Variants in MEGF10 observed in about 807,000 individuals in gnomAD.
The protein encoded by MEGF10 is multiple EGF like domains 10.
Under a neutral mutation model 147.5 loss-of-function variants are expected in MEGF10, and 86 were observed. The observed-to-expected ratio is 0.58, with a 90% CI of 0.49 to 0.70. MEGF10 has a LOEUF of 0.70. Ranked by LOEUF, MEGF10 falls within the 30% of genes least tolerant of loss-of-function variation. The pLI is 0.00. For missense variants in MEGF10, 1,329 were observed against 1,487.3 expected, an observed-to-expected ratio of 0.89 and a Z score of 1.75; for synonymous variants, 478 against 525.5, an observed-to-expected ratio of 0.91 and a Z score of 1.24.
At chr5:127,250,131 C>G in the MEGF10 span, among the ~76,000 whole-genome samples, 1 of 151,900 alleles carries the variant, frequency 6.6e-6, no homozygotes. Flanking sequence ...AAATAGTAAC[C>G]ATGAATAAAA....
chr5:127,263,308 G>C, the MEGF10 span, among the ~76,000 whole-genome samples: 1 of 95,846 alleles, frequency 1.0e-5, no homozygotes, highest in East Asian at 4.2e-4. Flanking sequence ...AGGGATTCTC[G>C]GGGGGGGGGT....
rs973192794 is a variant in MEGF10 at position 127,366,577 on chromosome 5, A to G, written c.320-3333A>G. ...AAGCAGATTCCCCCTTCCAATTCCT[A>G]ATTAACTTACAGGCAAATTTGTTTT... On this transcript the variant is annotated intron_variant, in intron 4 of 24. Coordinates refer to ENST00000503335, the MANE Select transcript of MEGF10 (RefSeq NM_001256545.2). 4.6e-5 allele frequency among the ~76,000 whole-genome samples: 7 copies of G among 152,240 alleles called. No homozygotes were observed. The South Asian group carries it at 1.4e-3, about 31-fold the overall frequency.
chr5:127,435,091 A>G (rs1267635988), intron 15 of MEGF10, among the ~76,000 whole-genome samples: 21 of 152,200 alleles, frequency 1.4e-4, no homozygotes, highest in Non-Finnish European at 4.4e-5. Flanking sequence ...CAATATGCGG[A>G]AGAATTTTAG....
At chr5:127,253,914 T>C in the MEGF10 span, among the ~76,000 whole-genome samples, 2 of 152,106 alleles carry the variant, frequency 1.3e-5, no homozygotes, top group Non-Finnish European at 2.9e-5. Flanking sequence ...TAATGTAATT[T>C]GAGAAAAAAT....
the MEGF10 span, among the ~76,000 whole-genome samples, chr5:127,238,625 C>T: frequency 1.3e-5 from 2 of 152,194 alleles, no homozygotes; most frequent in Non-Finnish European, 2.9e-5. Context: ...GGCGGTCTGG[C>T]TCCTGAGGTG....
the MEGF10 span, among the ~76,000 whole-genome samples, chr5:127,279,974 A>C: frequency 2.0e-5 from 3 of 152,316 alleles, no homozygotes; most frequent in East Asian, 5.8e-4. Context: ...TTCAGGATGA[A>C]AATAGCAATA....
the MEGF10 span, among the ~76,000 whole-genome samples, chr5:127,279,800 AGAAGCTTG>A: frequency 6.6e-6 from 1 of 152,228 alleles, no homozygotes; most frequent in African/African-American, 2.4e-5. Context: ...CAACCAAGGT[AGAAGCTTG>A]ATGGGGTAAT....
At chr5:127,257,174 AGTCT>A in the MEGF10 span, among the ~76,000 whole-genome samples, 3 of 152,054 alleles carry the variant, frequency 2.0e-5, no homozygotes, top group African/African-American at 7.2e-5. Flanking sequence ...ATAGATGAAA[AGTCT>A]GTCTGTGTGT....
chr5:127,237,639 C>G, the MEGF10 span, among the ~76,000 whole-genome samples: 16 of 152,198 alleles, frequency 1.1e-4, no homozygotes, highest in South Asian at 1.2e-3. Context: ...ATAATGAAAG[C>G]CTGGATTTTT....
chr5:127,362,508 C>T (rs1040863815), intron 4 of MEGF10, among the ~76,000 whole-genome samples: 3 of 151,778 alleles, frequency 2.0e-5, no homozygotes, highest in African/African-American at 7.3e-5. Flanking sequence ...GGACTACAGG[C>T]GCCTGCCACC....
chr5:127,382,750 A>G (rs77569507), intron 5 of MEGF10, among the ~76,000 whole-genome samples: 3,160 of 152,338 alleles, frequency 0.021, 52 homozygotes, highest in South Asian at 0.076. Context: ...CCACAAATTA[A>G]TAAGTAAAAG....
chr5:127,276,062 A>G, the MEGF10 span, among the ~76,000 whole-genome samples: 1 of 152,192 alleles, frequency 6.6e-6, no homozygotes, highest in African/African-American at 2.4e-5. Context: ...AGGGGCTCCA[A>G]TTCCCTTGTT....
At chr5:127,428,031 C>A (rs947859774) in intron 13 of MEGF10, among the ~76,000 whole-genome samples, 2 of 151,942 alleles carry the variant, frequency 1.3e-5, no homozygotes, top group African/African-American at 4.8e-5. Context: ...GTGCTCATTT[C>A]CCCCAACAAG....
chr5:127,370,071 A>G, intron 5 of MEGF10, 69 bp downstream of exon 5: 4 of 1,178,836 alleles, frequency 3.4e-6, no homozygotes. Context: ...TCTGCAGATG[A>G]CCCTGAGCCA....
intron 7 of MEGF10, among the ~76,000 whole-genome samples, chr5:127,401,140 T>G (rs1363631): frequency 0.23 from 34,672 of 152,094 alleles, 4,520 homozygotes; most frequent in African/African-American, 0.37. Flanking sequence ...TTTCACCCCT[T>G]CTTACCACAG....
intron 9 of MEGF10, among the ~76,000 whole-genome samples, chr5:127,416,194 A>AT (rs1764768941): frequency 6.6e-6 from 1 of 151,726 alleles, no homozygotes; most frequent in African/African-American, 2.4e-5. Flanking sequence ...CGCCCCGCTA[A>AT]TTTTTTGTGT....
At chr5:127,390,793 A>G (rs1040533763) in intron 5 of MEGF10, among the ~76,000 whole-genome samples, 1 of 152,082 alleles carries the variant, frequency 6.6e-6, no homozygotes, top group Non-Finnish European at 1.5e-5. Context: ...ATGTCCTTAT[A>G]GCTTTGGAGA....
chr5:127,254,636 C>T, the MEGF10 span, among the ~76,000 whole-genome samples: 3 of 151,680 alleles, frequency 2.0e-5, no homozygotes, highest in African/African-American at 7.3e-5. Flanking sequence ...CATGGCGAAA[C>T]CTCGTCTCTA....
chr5:127,437,405 G>T (rs2127007516), intron 16 of MEGF10, among the ~76,000 whole-genome samples: 1 of 148,128 alleles, frequency 6.8e-6, no homozygotes, highest in Non-Finnish European at 1.5e-5. Flanking sequence ...TTTTCCCCTT[G>T]CTCTTGGACA....
Sources: allele counts gnomAD v4.1 joint callset (sites outside exome capture counted in the v4.1 genomes callset), GRCh38; gene constraint gnomAD v4.1.1; transcripts MANE v1.5; gene names NCBI Gene and HGNC (gene_info 2026-07-23, HGNC 2026-07-21).